The following ADGRL3 variants were observed in gnomAD, a reference collection of about 807,000 sequenced individuals.
ADGRL3 encodes calcium-independent alpha-latrotoxin receptor 3.
Under a neutral mutation model 153.5 loss-of-function variants are expected in ADGRL3, and 62 were observed. The observed-to-expected ratio is 0.40, with a 90% CI of 0.33 to 0.50. ADGRL3 has a LOEUF of 0.50. ADGRL3 is among the 20% of genes least tolerant of loss of function. The pLI, the probability that ADGRL3 is intolerant of heterozygous loss-of-function variation, is 0.47. For missense variants in ADGRL3, 1,641 were observed against 1,859.4 expected, an observed-to-expected ratio of 0.88 and a Z score of 2.16; for synonymous variants, 710 against 672.5, an observed-to-expected ratio of 1.06 and a Z score of -0.86.
At chr4:62,042,507 A>C (rs1159875770) in intron 24 of ADGRL3, among the ~76,000 whole-genome samples, 1 of 151,942 alleles carries the variant, frequency 6.6e-6, no homozygotes, top group African/African-American at 2.4e-5. Context: ...AGCATTGCCA[A>C]CCTCTGAAGC....
chr4:61,971,376 C>T (rs1231742516), intron 17 of ADGRL3, among the ~76,000 whole-genome samples: 1 of 152,056 alleles, frequency 6.6e-6, no homozygotes. Flanking sequence ...TCTCATTGTT[C>T]AATTCCCATC....
intron 2 of ADGRL3, among the ~76,000 whole-genome samples, chr4:61,486,089 A>G (rs925799862): frequency 2.0e-5 from 3 of 151,890 alleles, no homozygotes; most frequent in East Asian, 1.9e-4. Flanking sequence ...GACTACAGGC[A>G]CCCGCCACCA....
At chr4:61,700,631 G>A (rs934840270) in intron 6 of ADGRL3, among the ~76,000 whole-genome samples, 1 of 152,128 alleles carries the variant, frequency 6.6e-6, no homozygotes, top group Non-Finnish European at 1.5e-5. Flanking sequence ...ACAGAAACTA[G>A]CAAATTCTTG....
At chr4:61,346,966 T>C (rs1205521537) in intron 1 of ADGRL3, among the ~76,000 whole-genome samples, 1 of 152,042 alleles carries the variant, frequency 6.6e-6, no homozygotes, top group Non-Finnish European at 1.5e-5. Context: ...AAAGAAATAT[T>C]AGCCTAAGGA....
In ADGRL3 at chr4:61,733,099, C is replaced by G; in HGVS notation, c.944C>G (p.Ala315Gly). The G allele has an allele frequency of 6.2e-7, 1 of 1,613,368 alleles. No individual in the cohort carries two copies. Among genetic ancestry groups the G allele is most frequent in the Non-Finnish European group, 8.5e-7 (1 of 1,179,674 alleles). Residue 315 changes from alanine (A) to glycine (G), a missense_variant, in exon 8 of 27, where the codon GCC (alanine) becomes GGC (glycine). Physicochemically the swap from Ala to Gly is moderately conservative, Grantham distance 60. Transcript: ENST00000683033. ...AGTGGAGAGGCTATCATAGCAAATG[C>G]CAATTACCATGATACCTCCCCTTAC... ...IKSGEAIIAN[A>G]NYHDTSPYRW...
At chr4:61,986,736 CA>C (rs1030093375) in intron 19 of ADGRL3, among the ~76,000 whole-genome samples, 8 of 152,186 alleles carry the variant, frequency 5.3e-5, no homozygotes, top group East Asian at 1.9e-4. Flanking sequence ...AATTATATCA[CA>C]GGGGGGCATA....
chr4:61,425,438 C>T (rs2097265284), intron 2 of ADGRL3: 1 of 152,334 alleles, frequency 6.6e-6, no homozygotes, highest in Non-Finnish European at 1.5e-5. Flanking sequence ...GGTGCAGATC[C>T]TACAGTTGGA....
At chr4:61,951,189 G>A (rs1462742870) in intron 17 of ADGRL3, among the ~76,000 whole-genome samples, 1 of 152,132 alleles carries the variant, frequency 6.6e-6, no homozygotes, top group Non-Finnish European at 1.5e-5. Context: ...ATATTTACAA[G>A]TAATACTTAA....
intron 11 of ADGRL3, among the ~76,000 whole-genome samples, chr4:61,900,792 T>C (rs1262276052): frequency 2.0e-5 from 3 of 152,190 alleles, no homozygotes; most frequent in Non-Finnish European, 4.4e-5. Context: ...CATATCTACA[T>C]ACATTGGAAG....
chr4:61,786,789 A>G (rs1010331731), intron 8 of ADGRL3, among the ~76,000 whole-genome samples: 14 of 152,158 alleles, frequency 9.2e-5, no homozygotes, highest in Admixed American at 6.5e-4. Context: ...ATGCTTTCAC[A>G]TATCTAGGCA....
intron 19 of ADGRL3, among the ~76,000 whole-genome samples, chr4:61,987,845 T>G (rs1324770419): frequency 7.1e-6 from 1 of 140,398 alleles, no homozygotes; most frequent in African/African-American, 2.5e-5. Flanking sequence ...ATAATTCAGA[T>G]AATAGACATG....
intron 9 of ADGRL3, among the ~76,000 whole-genome samples, chr4:61,824,926 A>C (rs990231249): frequency 6.6e-6 from 1 of 152,170 alleles, no homozygotes; most frequent in Non-Finnish European, 1.5e-5. Flanking sequence ...AGGGGTTGGA[A>C]TTGTTATACA....
At chr4:61,462,733 C>T (rs1166652765) in intron 2 of ADGRL3, among the ~76,000 whole-genome samples, 3 of 151,996 alleles carry the variant, frequency 2.0e-5, no homozygotes, top group Non-Finnish European at 4.4e-5. Flanking sequence ...TAAACTTGGC[C>T]AAGTATATTG....
chr4:62,057,445 G>A (rs1301271033), intron 25 of ADGRL3, among the ~76,000 whole-genome samples: 1 of 152,042 alleles, frequency 6.6e-6, no homozygotes, highest in Non-Finnish European at 1.5e-5. Context: ...CAGGTATAAA[G>A]TAAAAAAGAA....
intron 1 of ADGRL3, among the ~76,000 whole-genome samples, chr4:61,291,314 T>C (rs1364997125): frequency 6.6e-6 from 1 of 151,550 alleles, no homozygotes; most frequent in Non-Finnish European, 1.5e-5. Flanking sequence ...TGAAAATAAC[T>C]GTACAATGAT....
intron 8 of ADGRL3, among the ~76,000 whole-genome samples, chr4:61,744,530 T>A (rs556525513): frequency 6.6e-6 from 1 of 152,126 alleles, no homozygotes; most frequent in Non-Finnish European, 1.5e-5. Context: ...CCAGAGGAGC[T>A]ATCAGGCAGC....
chr4:61,387,483 C>T lies in ADGRL3; in HGVS notation c.-174+4294C>T, dbSNP rs186942602. ...GGAGTTTATTTCATCTCTGCAGCCT[C>T]GACCATAAGAGACGACCACGCCCCA... On this transcript the variant is annotated intron_variant, in intron 2 of 26. Coordinates refer to ENST00000683033, the MANE Select transcript of ADGRL3 (RefSeq NM_001387552.1). Among the ~76,000 whole-genome samples the T allele has an allele frequency of 4.3e-3, 651 of 152,158 alleles. 3 individuals are homozygous for T. The highest frequency in any genetic ancestry group is 9.5e-3 in the Admixed American group (145 of 15,284).
intron 2 of ADGRL3, among the ~76,000 whole-genome samples, chr4:61,468,839 G>A (rs1039754489): frequency 7.9e-5 from 12 of 152,032 alleles, no homozygotes; most frequent in African/African-American, 2.9e-4. Flanking sequence ...TAGTTTTATC[G>A]ATATAACCAC....
chr4:61,564,896 G>A (rs1484426308), intron 4 of ADGRL3, among the ~76,000 whole-genome samples: 1 of 152,154 alleles, frequency 6.6e-6, no homozygotes, highest in Non-Finnish European at 1.5e-5. Flanking sequence ...TAGAGCGGTT[G>A]GAGCACACAC....
Sources: gnomAD v4.1 joint callset for allele counts (sites outside exome capture counted in the v4.1 genomes callset) on GRCh38, gnomAD v4.1.1 for gene constraint, MANE v1.5 for transcripts, NCBI Gene and HGNC (gene_info 2026-07-23, HGNC 2026-07-21) for gene names.